Variants in CCSER1 observed in about 807,000 individuals in gnomAD.
CCSER1 encodes serine-rich coiled-coil domain-containing protein 1.
A neutral mutation model predicts 82.0 loss-of-function variants in CCSER1; 41 were observed. That is an observed-to-expected ratio of 0.50 (90% confidence interval 0.39 to 0.65). CCSER1 has a LOEUF of 0.65. Ranked by LOEUF, CCSER1 falls within the 30% of genes least tolerant of loss-of-function variation. CCSER1 has a pLI of 0.00. For synonymous variants in CCSER1, 414 were observed against 383.9 expected, an observed-to-expected ratio of 1.08 and a Z score of -0.92; for missense variants, 1,119 against 1,064.2, an observed-to-expected ratio of 1.05 and a Z score of -0.72.
intron 8 of CCSER1, among the ~76,000 whole-genome samples, chr4:90,864,532 G>A (rs1561269797): frequency 6.6e-6 from 1 of 151,978 alleles, no homozygotes; most frequent in Non-Finnish European, 1.5e-5. Flanking sequence ...ACATCAAAAA[G>A]ATCATCATAA....
At chr4:90,989,422 G>A (rs1487787214) in intron 9 of CCSER1, among the ~76,000 whole-genome samples, 1 of 151,702 alleles carries the variant, frequency 6.6e-6, no homozygotes, top group Non-Finnish European at 1.5e-5. Context: ...AAATGAAAAA[G>A]ATCTGCTTAT....
chr4:91,391,298 C>G (rs1578343733), intron 10 of CCSER1, among the ~76,000 whole-genome samples: 4 of 152,018 alleles, frequency 2.6e-5, no homozygotes, highest in Middle Eastern at 6.8e-3. Flanking sequence ...TTTCACCTAT[C>G]TGTTATTTTT....
chr4:90,295,119 T>G (rs1485479941), intron 1 of CCSER1, among the ~76,000 whole-genome samples: 1 of 151,958 alleles, frequency 6.6e-6, no homozygotes, highest in Non-Finnish European at 1.5e-5. Context: ...TAATGAACAT[T>G]TATATTATTT....
intron 4 of CCSER1, among the ~76,000 whole-genome samples, chr4:90,454,431 T>C (rs1761914577): frequency 6.6e-6 from 1 of 152,112 alleles, no homozygotes; most frequent in Non-Finnish European, 1.5e-5. Flanking sequence ...AGAGGTATGC[T>C]TTACCAAGAC....
intron 1 of CCSER1, among the ~76,000 whole-genome samples, chr4:90,158,313 T>C (rs1728708677): frequency 6.6e-6 from 1 of 152,168 alleles, no homozygotes; most frequent in South Asian, 2.1e-4. Flanking sequence ...GTTAGGCTGC[T>C]CGGGGGTCAG....
At chr4:90,564,597 C>A (rs767998716) in intron 5 of CCSER1, among the ~76,000 whole-genome samples, 11 of 151,970 alleles carry the variant, frequency 7.2e-5, no homozygotes, top group Non-Finnish European at 1.3e-4. Flanking sequence ...AGAGCCATTG[C>A]CCACTCTAAT....
intron 5 of CCSER1, among the ~76,000 whole-genome samples, chr4:90,567,013 TAAAAAA>T (rs34691316): frequency 2.3e-4 from 27 of 116,128 alleles, no homozygotes; most frequent in African/African-American, 1.2e-3. Context: ...TTTGCTTACT[TAAAAAA>T]AAAAACAAAA....
intron 7 of CCSER1, chr4:90,727,134 A>G (rs919073415): frequency 3.1e-5 from 13 of 424,638 alleles, no homozygotes; most frequent in Non-Finnish European, 5.1e-5. Flanking sequence ...TTTATAAACT[A>G]TTGTTATGGG....
chr4:91,402,377 G>T (rs890032716), intron 10 of CCSER1, among the ~76,000 whole-genome samples: 2 of 152,100 alleles, frequency 1.3e-5, no homozygotes, highest in Non-Finnish European at 2.9e-5. Flanking sequence ...TTCTTTTGCT[G>T]TGCAGAAGCT....
intron 10 of CCSER1, among the ~76,000 whole-genome samples, chr4:91,595,943 TAAAAAAAAA>T (rs1170927227): frequency 1.3e-5 from 1 of 78,888 alleles, no homozygotes; most frequent in African/African-American, 5.3e-5. Context: ...ACAGAGAACT[TAAAAAAAAA>T]AAAAAAAAAA....
At chr4:90,805,462 T>G (rs1757384851) in intron 7 of CCSER1, among the ~76,000 whole-genome samples, 1 of 152,194 alleles carries the variant, frequency 6.6e-6, no homozygotes, top group Non-Finnish European at 1.5e-5. Context: ...AGAAGGAGCA[T>G]TATAACTGAC....
chr4:90,245,794 T>C (rs1253933585), intron 1 of CCSER1, among the ~76,000 whole-genome samples: 2 of 152,174 alleles, frequency 1.3e-5, no homozygotes, highest in Admixed American at 1.3e-4. Flanking sequence ...AGTGCAGTGA[T>C]GATTTTTAGC....
chr4:90,431,066 A>G (rs1758211926), intron 4 of CCSER1, among the ~76,000 whole-genome samples: 1 of 151,996 alleles, frequency 6.6e-6, no homozygotes, highest in Non-Finnish European at 1.5e-5. Context: ...TGAAAGATTC[A>G]TGTTTCATTT....
At chr4:90,615,675 G>GTT (rs59211032) in intron 5 of CCSER1, among the ~76,000 whole-genome samples, 1 of 147,440 alleles carries the variant, frequency 6.8e-6, no homozygotes, top group Non-Finnish European at 1.5e-5. Flanking sequence ...AGAAAGTGTT[G>GTT]TTTTTTTTTT....
chr4:90,811,541 T>C (rs1405126234), intron 7 of CCSER1, among the ~76,000 whole-genome samples: 5 of 152,166 alleles, frequency 3.3e-5, no homozygotes, highest in African/African-American at 1.2e-4. Flanking sequence ...AAGCAACAAG[T>C]ACTTAGACTG....
chr4:91,483,440 CTT>C (rs968283139), intron 10 of CCSER1, among the ~76,000 whole-genome samples: 4 of 145,428 alleles, frequency 2.8e-5, no homozygotes, highest in Admixed American at 6.9e-5. Flanking sequence ...TACTTTTTTA[CTT>C]TTTTTTTTTT....
At chr4:90,853,202 A>G (rs1264575079) in intron 8 of CCSER1, among the ~76,000 whole-genome samples, 66 of 152,110 alleles carry the variant, frequency 4.3e-4, no homozygotes, top group Non-Finnish European at 5.9e-5. Flanking sequence ...AGGATAAGCT[A>G]TTTTTATGGA....
In CCSER1 at chr4:90,320,075, C is replaced by T. The variant is rs537083365; in HGVS notation, c.1509+7028C>T. On this transcript the variant is annotated intron_variant, in intron 3 of 10. Transcript: ENST00000509176. ...GTACCCTTCTAAATTGTATCATGGACGTAACACTCACCACATAGTTATTTG... is the reference window on the plus strand; with the variant it reads ...GTACCCTTCTAAATTGTATCATGGATGTAACACTCACCACATAGTTATTTG... Among the ~76,000 whole-genome samples the T allele has an allele frequency of 9.2e-5, 14 of 152,250 alleles. No individual in the cohort carries two copies. The South Asian group carries it at 1.9e-3, about 20-fold the overall frequency.
intron 5 of CCSER1, among the ~76,000 whole-genome samples, chr4:90,606,740 TCA>T (rs1784766437): frequency 6.6e-6 from 1 of 152,198 alleles, no homozygotes; most frequent in Non-Finnish European, 1.5e-5. Flanking sequence ...ATTATGTCTC[TCA>T]GAGATAATAA....
Sources: allele counts gnomAD v4.1 joint callset (sites outside exome capture counted in the v4.1 genomes callset), GRCh38; gene constraint gnomAD v4.1.1; transcripts MANE v1.5; gene names NCBI Gene and HGNC (gene_info 2026-07-23, HGNC 2026-07-21).